KDSR: variants seen among roughly 807,000 people sequenced by gnomAD.
The protein encoded by KDSR is 3-dehydrosphinganine reductase.
A neutral mutation model predicts 41.3 loss-of-function variants in KDSR; 23 were observed. The observed-to-expected ratio is 0.56, with a 90% CI of 0.40 to 0.79. The LOEUF is 0.79. Ranked by LOEUF, KDSR falls within the 30% of genes least tolerant of loss-of-function variation. The pLI, the probability that KDSR is intolerant of heterozygous loss-of-function variation, is 0.00. For missense variants in KDSR, 351 were observed against 416.8 expected (o/e 0.84, Z 1.37); for synonymous variants, 138 against 151.7 (o/e 0.91, Z 0.66).
In KDSR at chr18:63,331,855, C is replaced by G. The variant is rs1375028900; in HGVS notation, c.926G>C (p.Gly309Ala). 5 of 1,613,728 alleles carry G rather than the reference C, an allele frequency of 3.1e-6. No individual in the cohort carries two copies. Among genetic ancestry groups the G allele is most frequent in the Non-Finnish European group, 4.2e-6 (5 of 1,179,908 alleles). ...GCGACGAACTATGCTGTCAAAACTT[C>G]CAAGGTAAAACAAAGCAATAGTGCG... ...LFRTIALFYL[G>A]SFDSIVRRCM... is the part of the protein sequence containing the mutation. Residue 309 changes from glycine (G) to alanine (A), a missense_variant, in exon 10 of 10, where the codon GGA becomes GCA. Transcript: ENST00000645214.
chr18:63,343,190 C>T (rs1914394706), intron 7 of KDSR, among the ~76,000 whole-genome samples: 1 of 152,048 alleles, frequency 6.6e-6, no homozygotes, highest in South Asian at 2.1e-4. Flanking sequence ...ACTATCCTTC[C>T]ACCTTAGCCT....
intron 1 of KDSR, chr18:63,366,638 T>G (rs1599343886): frequency 5.7e-6 from 1 of 175,464 alleles, no homozygotes; most frequent in African/African-American, 2.4e-5. Context: ...GCAAAGTTTC[T>G]CAGCCTCTCT....
intron 7 of KDSR, 43 bp from the exon 8 acceptor site, chr18:63,338,926 C>T: frequency 9.0e-7 from 1 of 1,109,896 alleles, no homozygotes. Context: ...CATGATTGCC[C>T]ATTACATTAA....
rs1913892937 is a variant in KDSR at position 63,328,972 on chromosome 18, G to A, written c.*2810C>T. ...GTTTACTACCATAGGTAATATTTAC[G>A]CACTTCTGGGTCCAATAGAAGGTGT... On this transcript the variant is annotated 3_prime_UTR_variant, in exon 10 of 10. Transcript: ENST00000645214. 2.6e-5 allele frequency: 5 copies of A among 195,070 alleles called. No individual in the cohort carries two copies. The South Asian group carries it at 7.7e-4, about 30-fold the overall frequency. 12.1% of individuals were successfully genotyped at this position (195,070 alleles called of 1,614,324 possible).
Position 63,331,665 on chromosome 18 carries a change from C to T in KDSR, c.*117G>A. On this transcript the variant is annotated 3_prime_UTR_variant, in exon 10 of 10. Coordinates refer to ENST00000645214, the MANE Select transcript of KDSR (RefSeq NM_002035.4). ...AGCCACATTCCTGAAGAGCACTGGT[C>T]CAATCTGACGTATTCGAAAACAATA... The T allele has an allele frequency of 1.1e-6, 1 of 939,954 alleles. No individual in the cohort carries two copies. The highest frequency in any genetic ancestry group is 1.7e-5 in the South Asian group (1 of 59,268). 58.2% of individuals were successfully genotyped at this position (939,954 alleles called of 1,614,324 possible).
intron 3 of KDSR, among the ~76,000 whole-genome samples, chr18:63,357,588 A>AATT (rs1914834833): frequency 1.6e-5 from 1 of 62,970 alleles, no homozygotes; most frequent in South Asian, 8.1e-4. Flanking sequence ...ATATATATAT[A>AATT]TATATATTTT....
Position 63,338,856 on chromosome 18 carries a change from T to A in KDSR, c.721A>T (p.Thr241Ser), listed in dbSNP as rs772608313. ...TGTTCTGGTTTGCACACAGATGTGG[T>A]CTCTGAAATAAGTCGAGTCTCCAAA... Reference protein sequence around the residue: ...KPLETRLISETTSVCKPEQVA... With the variant: ...KPLETRLISESTSVCKPEQVA... Residue 241 changes from threonine to serine, a missense_variant, in exon 8 of 10, where the codon ACC (threonine) becomes TCC (serine). Thr to Ser is a moderately conservative substitution (Grantham distance 58). Coordinates refer to ENST00000645214, the MANE Select transcript of KDSR (RefSeq NM_002035.4). 4.4e-6 allele frequency: 7 copies of A among 1,608,380 alleles called. No homozygotes were observed. Among genetic ancestry groups the A allele is most frequent in the Non-Finnish European group, 5.9e-6 (7 of 1,178,426 alleles).
chr18:63,330,940 A>C lies in KDSR; in HGVS notation c.*842T>G, dbSNP rs777761633. The C allele has an allele frequency of 6.9e-5, 16 of 230,578 alleles. No individual in the cohort carries two copies. Among genetic ancestry groups the C allele is most frequent in the Non-Finnish European group, 1.1e-4 (13 of 116,190 alleles). 14.3% of individuals were successfully genotyped at this position (230,578 alleles called of 1,614,324 possible). A position where few individuals can be genotyped will look rare whatever the true frequency, so the allele number is the denominator to read the frequency against. On this transcript the variant is annotated 3_prime_UTR_variant, in exon 10 of 10. Transcript: ENST00000645214. ...CATCATGGTTATTGAAGGAACTGTA[A>C]ATTCTTAAGCTTCTAGATTTTACCG...
intron 6 of KDSR, among the ~76,000 whole-genome samples, chr18:63,347,839 T>G (rs1338202898): frequency 6.6e-6 from 1 of 151,424 alleles, no homozygotes; most frequent in Admixed American, 6.6e-5. Flanking sequence ...CCTAAAAGAC[T>G]GAGTAAAAAA....
In KDSR at chr18:63,331,276, GAGAGAGAGAC is replaced by G. The variant is rs1913980547; in HGVS notation, c.*496_*505del. On this transcript the variant is annotated 3_prime_UTR_variant, in exon 10 of 10. Transcript: ENST00000645214. ...ATACACAAAGAAAGAAAGAGAGAGA[GAGAGAGAGAC>G]AGAGAGACAGAGAGACAGAGAGACA... 64 of 158,710 alleles carry G rather than the reference GAGAGAGAGAC, an allele frequency of 4.0e-4. No individual in the cohort carries two copies. The highest frequency in any genetic ancestry group is 3.6e-3 in the South Asian group (11 of 3,054). 9.8% of individuals were successfully genotyped at this position (158,710 alleles called of 1,614,324 possible). A position where few individuals can be genotyped will look rare whatever the true frequency, so the allele number is the denominator to read the frequency against.
Position 63,330,723 on chromosome 18 carries a change from C to A in KDSR, c.*1059G>T. On this transcript the variant is annotated 3_prime_UTR_variant, in exon 10 of 10. Transcript: ENST00000645214. ...ACATATATGCTCCGAGAAAAAGTCA[C>A]ACTTTTTAATTTTTTCATTTGCTTT... 1 of 227,830 alleles carries A rather than the reference C, an allele frequency of 4.4e-6. No homozygotes were observed. The highest frequency in any genetic ancestry group is 2.2e-5 in the African/African-American group (1 of 45,080). The allele number at this position is 227,830 out of a possible 1,614,324, so 14.1% of individuals were successfully genotyped here.
Position 63,362,826 on chromosome 18 carries a change from C to T in KDSR, c.151G>A (p.Glu51Lys). Residue 51 changes from glutamate to lysine, a missense_variant, in exon 2 of 10, where the codon GAG (glutamate) becomes AAG (lysine). Physicochemically the swap from Glu to Lys is moderately conservative, Grantham distance 56 (BLOSUM62 1). Coordinates refer to ENST00000645214, the MANE Select transcript of KDSR (RefSeq NM_002035.4). ...ATAAAAGCTCCTTGTTTATAGCACT[C>T]GATAGCAATGCACTTCCCGATGCCA... ...SSGIGKCIAI[E>K]CYKQGAFITL... The T allele has an allele frequency of 1.9e-6, 3 of 1,613,750 alleles. No individual in the cohort carries two copies. Among genetic ancestry groups the T allele is most frequent in the Middle Eastern group, 1.6e-4 (1 of 6,062 alleles).
intron 2 of KDSR, among the ~76,000 whole-genome samples, chr18:63,361,683 T>C (rs532415147): frequency 6.1e-4 from 92 of 151,806 alleles, no homozygotes; most frequent in African/African-American, 1.7e-3. Context: ...GGCGTGGTGG[T>C]GGGCGCCTGT....
intron 8 of KDSR, 60 bp from the exon 9 acceptor site, chr18:63,335,418 C>A (rs192158889): frequency 2.6e-6 from 3 of 1,156,680 alleles, no homozygotes; most frequent in African/African-American, 1.5e-5. Context: ...AGAAATCAGT[C>A]GGACACATCA....
rs562626769 is a variant in KDSR, at chr18:63,353,146, A to C, written c.417+2058T>G. ...CAGTGACCCGAGATTGAGCCACTGC[A>C]CTCCAGCCTGGGTGACAGAGTAAGA... On this transcript the variant is annotated intron_variant, in intron 5 of 9. Transcript: ENST00000645214. Among the ~76,000 whole-genome samples the C allele has an allele frequency of 7.9e-5, 12 of 152,018 alleles. No individual in the cohort carries two copies. The South Asian group carries it at 1.9e-3, about 24-fold the overall frequency.
chr18:63,362,595 C>T (rs1217291980), intron 2 of KDSR, among the ~76,000 whole-genome samples, 184 bp downstream of exon 2: 2 of 152,132 alleles, frequency 1.3e-5, no homozygotes, highest in Non-Finnish European at 2.9e-5. Flanking sequence ...CTTGTGGGGC[C>T]GACCTGATTT....
intron 6 of KDSR, chr18:63,344,810 T>G: frequency 4.1e-6 from 1 of 245,240 alleles, no homozygotes; most frequent in Non-Finnish European, 7.9e-6. Flanking sequence ...GGCAGTGTTT[T>G]AAAAAGAGTC....
rs185672366 is a variant in KDSR, at chr18:63,334,354, T to C, written c.879+903A>G. On this transcript the variant is annotated intron_variant, in intron 9 of 9. Coordinates refer to ENST00000645214, the MANE Select transcript of KDSR (RefSeq NM_002035.4). The stretch of plus-strand genomic sequence containing the variant: ...ACTTCATTACACTGCACTACTATCT[T>C]TTTTTTTTTTTTTGAGACAGAGTTT... Among the ~76,000 whole-genome samples, 440 of 149,376 alleles carry C rather than the reference T, an allele frequency of 2.9e-3. 2 individuals are homozygous for C. The highest frequency in any genetic ancestry group is 0.01 in the African/African-American group (420 of 40,926).
rs561908198 is a variant in KDSR at position 63,361,636 on chromosome 18, G to A, written c.198+1143C>T. ...TCCAGACCAGCCTGACCAACATGGT[G>A]AAACCCTGTCTCTACTAAAAATACA... On this transcript the variant is annotated intron_variant, in intron 2 of 9. Transcript: ENST00000645214. Among the ~76,000 whole-genome samples the A allele has an allele frequency of 1.1e-3, 162 of 151,958 alleles. 1 individual carries two copies. Among genetic ancestry groups the A allele is most frequent in the African/African-American group, 3.7e-3 (152 of 41,320 alleles).
Sources: allele counts gnomAD v4.1 joint callset (sites outside exome capture counted in the v4.1 genomes callset), GRCh38; gene constraint gnomAD v4.1.1; transcripts MANE v1.5; gene names NCBI Gene and HGNC (gene_info 2026-07-23, HGNC 2026-07-21).